Variants in KCNK5 observed in about 807,000 individuals in gnomAD.
KCNK5 encodes potassium two pore domain channel subfamily K member 5.
A neutral mutation model predicts 32.9 loss-of-function variants in KCNK5; 18 were observed. That is an observed-to-expected ratio of 0.55 (90% CI 0.38 to 0.81). KCNK5 has a LOEUF of 0.81. KCNK5 is among the 30% of genes least tolerant of loss of function. KCNK5 has a pLI of 0.00. For synonymous variants in KCNK5, 276 were observed against 275.3 expected (o/e 1.00, Z -0.03); for missense variants, 507 against 651.0 (o/e 0.78, Z 2.41).
At chr6:39,193,120 AGCTGAGGCAGGGTTTGGT>A (rs71753057) in intron 4 of KCNK5, among the ~76,000 whole-genome samples, 69,346 of 152,126 alleles carry the variant, frequency 0.46, 16,945 homozygotes, top group East Asian at 0.75. Context: ...CAGAAGAGAA[AGCTGAGGCAGGGTTTGGT>A]GTCTTGCTGG....
At chr6:39,217,387 C>T (rs1395640146) in intron 1 of KCNK5, among the ~76,000 whole-genome samples, 10 of 152,118 alleles carry the variant, frequency 6.6e-5, no homozygotes, top group South Asian at 2.1e-4. Flanking sequence ...TTTGAGATCA[C>T]GATCTCACTG....
chr6:39,201,328 T>C (rs1036774086), intron 1 of KCNK5, among the ~76,000 whole-genome samples: 3 of 151,880 alleles, frequency 2.0e-5, no homozygotes, highest in Middle Eastern at 3.4e-3. Flanking sequence ...CTCAGCTCAC[T>C]GCAACCTCAG....
intron 1 of KCNK5, among the ~76,000 whole-genome samples, chr6:39,216,253 C>G (rs1344954704): frequency 1.3e-5 from 2 of 152,106 alleles, no homozygotes; most frequent in Non-Finnish European, 2.9e-5. Flanking sequence ...CCACTGCACC[C>G]CAGCCTGGGC....
intron 4 of KCNK5, among the ~76,000 whole-genome samples, chr6:39,193,732 T>C (rs1224679622): frequency 1.3e-5 from 2 of 152,326 alleles, no homozygotes; most frequent in Middle Eastern, 3.4e-3. Flanking sequence ...CTCTGAGCCA[T>C]GCCTTCAGGA....
chr6:39,219,207 A>G (rs76833504), intron 1 of KCNK5, among the ~76,000 whole-genome samples: 2,392 of 152,126 alleles, frequency 0.016, 66 homozygotes, highest in African/African-American at 0.054. Context: ...GGGATGGGGG[A>G]TAGGGGAAGA....
intron 1 of KCNK5, among the ~76,000 whole-genome samples, chr6:39,224,622 T>C (rs1583723963): frequency 6.6e-6 from 1 of 152,200 alleles, no homozygotes; most frequent in African/African-American, 2.4e-5. Flanking sequence ...GAAAGCACTT[T>C]GGAGCTTAGG....
chr6:39,227,684 G>T (rs899596420), intron 1 of KCNK5, among the ~76,000 whole-genome samples: 2 of 152,174 alleles, frequency 1.3e-5, no homozygotes, highest in Admixed American at 6.5e-5. Context: ...TCAATCTGGG[G>T]ACAAGATTTT....
chr6:39,226,211 T>G (rs1011676688), intron 1 of KCNK5, among the ~76,000 whole-genome samples: 1 of 152,182 alleles, frequency 6.6e-6, no homozygotes, highest in African/African-American at 2.4e-5. Flanking sequence ...TGTGTGAGTC[T>G]GCAATTTAGG....
intron 1 of KCNK5, among the ~76,000 whole-genome samples, chr6:39,216,195 G>C (rs1350630558): frequency 1.3e-5 from 2 of 152,226 alleles, no homozygotes; most frequent in East Asian, 1.9e-4. Context: ...TGAAACTGGA[G>C]AATCGCTTGA....
At chr6:39,228,307 C>A (rs1190413899) in intron 1 of KCNK5, among the ~76,000 whole-genome samples, 3 of 152,188 alleles carry the variant, frequency 2.0e-5, no homozygotes, top group African/African-American at 7.2e-5. Flanking sequence ...CGAGATAAGC[C>A]TTCCCGGAAG....
chr6:39,227,981 A>C (rs1221118001), intron 1 of KCNK5, among the ~76,000 whole-genome samples: 1 of 151,972 alleles, frequency 6.6e-6, no homozygotes, highest in African/African-American at 2.4e-5. Context: ...CCACTGGGGG[A>C]GCAGGCCAAG....
intron 1 of KCNK5, among the ~76,000 whole-genome samples, chr6:39,202,781 A>G (rs1771152643): frequency 6.6e-6 from 1 of 152,080 alleles, no homozygotes; most frequent in Non-Finnish European, 1.5e-5. Flanking sequence ...GTTTAGCTCT[A>G]TCTAGGAAGC....
chr6:39,206,369 C>T (rs1771226079), intron 1 of KCNK5, among the ~76,000 whole-genome samples: 1 of 152,234 alleles, frequency 6.6e-6, no homozygotes. Flanking sequence ...TACCCCATTC[C>T]CCTGCAGATG....
rs1199075264 is a variant in KCNK5, at chr6:39,194,438, G to A, written c.466-101C>T. On this transcript the variant is annotated intron_variant, in intron 3 of 4. Transcript: ENST00000359534. The surrounding 1 kb of genome is among the most constrained non-coding windows in gnomAD (Gnocchi z 4.7). ...GAGGCAGCTAGAGGAGAAGCTAGCT[G>A]GGTACCCAGCCTGACCCGGGAGGGC... is the stretch of plus-strand genomic sequence containing the variant. 6.9e-7 allele frequency: 1 copy of A among 1,450,812 alleles called. No individual in the cohort carries two copies. Among genetic ancestry groups the A allele is most frequent in the Non-Finnish European group, 9.4e-7 (1 of 1,068,296 alleles). 89.9% of individuals were successfully genotyped at this position (1,450,812 alleles called of 1,614,324 possible).
At position 39,229,235 on chromosome 6, in the gene KCNK5, A is replaced by G; in HGVS notation, c.-124T>C. On this transcript the variant is annotated 5_prime_UTR_variant, in exon 1 of 5. Transcript: ENST00000359534. ...GAGCTCCGCATGCGCAGTGCCCGGT[A>G]CTCACCCCCCGCAAGCACCGCTCCC... The G allele has an allele frequency of 1.0e-6, 1 of 960,088 alleles. No homozygotes were observed. The highest frequency in any genetic ancestry group is 1.6e-5 in the South Asian group (1 of 61,106). 59.5% of individuals were successfully genotyped at this position (960,088 alleles called of 1,614,324 possible).
Position 39,225,576 on chromosome 6 carries a change from C to T in KCNK5, c.186+3350G>A, listed in dbSNP as rs964947315. Among the ~76,000 whole-genome samples, 15 of 152,238 alleles carry T rather than the reference C, an allele frequency of 9.9e-5. No homozygotes were observed. The South Asian group carries it at 1.2e-3, about 13-fold the overall frequency. On this transcript the variant is annotated intron_variant, in intron 1 of 4. Transcript: ENST00000359534. Reference sequence around the variant, plus strand: ...GGTTGGGGACTTCCAAAATGAGAAGCGCAGAGGGGTGGACTGATGTATTAC... The same window carrying T: ...GGTTGGGGACTTCCAAAATGAGAAGTGCAGAGGGGTGGACTGATGTATTAC...
intron 1 of KCNK5, among the ~76,000 whole-genome samples, chr6:39,219,154 T>C (rs960938118): frequency 2.6e-5 from 4 of 152,112 alleles, no homozygotes; most frequent in Non-Finnish European, 5.9e-5. Context: ...GCCTGGGCCT[T>C]ATTTCACAGG....
chr6:39,211,928 CA>C (rs1158903532), intron 1 of KCNK5, among the ~76,000 whole-genome samples: 1 of 151,970 alleles, frequency 6.6e-6, no homozygotes, highest in Non-Finnish European at 1.5e-5. Flanking sequence ...CGTACCATTG[CA>C]TTCCAGCCTG....
intron 1 of KCNK5, among the ~76,000 whole-genome samples, chr6:39,217,912 G>A (rs1186531694): frequency 6.6e-6 from 1 of 152,122 alleles, no homozygotes; most frequent in African/African-American, 2.4e-5. Context: ...TTCAACTTTT[G>A]CCTCTTATCT....
Sources: allele counts gnomAD v4.1 joint callset (sites outside exome capture counted in the v4.1 genomes callset), GRCh38; gene constraint gnomAD v4.1.1; non-coding constraint Gnocchi (gnomAD v3.1); transcripts MANE v1.5; gene names NCBI Gene and HGNC (gene_info 2026-07-23, HGNC 2026-07-21).